The following KHDRBS3 variants were observed in gnomAD, a reference collection of about 807,000 sequenced individuals.
KHDRBS3 encodes the protein KH domain-containing, RNA-binding, signal transduction-associated protein 3.
In KHDRBS3, 23 loss-of-function variants were observed where a neutral mutation model predicts 45.6. That is an observed-to-expected ratio of 0.50 (90% CI 0.36 to 0.72). The LOEUF is 0.72. Among genes scored for constraint, KHDRBS3 ranks in the 30% least tolerant of loss-of-function variants. The probability of loss-of-function intolerance (pLI) is 0.00; values close to 1 mark genes in which losing one functional copy is unlikely to be tolerated. For missense variants in KHDRBS3, 352 were observed against 424.8 expected, an observed-to-expected ratio of 0.83 and a Z score of 1.51; for synonymous variants, 162 against 156.5, an observed-to-expected ratio of 1.04 and a Z score of -0.26.
intron 7 of KHDRBS3, among the ~76,000 whole-genome samples, chr8:135,634,626 C>T (rs180826987): frequency 4.5e-4 from 68 of 152,250 alleles, no homozygotes; most frequent in Admixed American, 1.3e-3. Flanking sequence ...TGAAGCTATT[C>T]CCATGTTAAA....
chr8:135,545,209 T>C (rs902254821), intron 3 of KHDRBS3, among the ~76,000 whole-genome samples: 6 of 152,100 alleles, frequency 3.9e-5, no homozygotes, highest in Admixed American at 6.5e-5. Flanking sequence ...GGGTTTAACA[T>C]AGCTCTCTTA....
intron 2 of KHDRBS3, among the ~76,000 whole-genome samples, chr8:135,528,852 A>C (rs1825325583): frequency 6.6e-6 from 1 of 152,118 alleles, no homozygotes; most frequent in Non-Finnish European, 1.5e-5. Context: ...GCTTGAATCC[A>C]TTCATAGGGG....
chr8:135,485,055 A>T (rs1202334769), intron 1 of KHDRBS3, among the ~76,000 whole-genome samples: 1 of 152,164 alleles, frequency 6.6e-6, no homozygotes, highest in Non-Finnish European at 1.5e-5. Context: ...AATGCTGTGT[A>T]CAGAAAAAAC....
At chr8:135,517,849 A>G (rs1367938461) in intron 1 of KHDRBS3, among the ~76,000 whole-genome samples, 5 of 152,204 alleles carry the variant, frequency 3.3e-5, no homozygotes, top group Non-Finnish European at 5.9e-5. Context: ...ATATTCCAAC[A>G]TCATTCAAAA....
intron 6 of KHDRBS3, 48 bp from the exon 7 acceptor site, chr8:135,606,907 T>C: frequency 6.9e-7 from 1 of 1,455,776 alleles, no homozygotes; most frequent in Non-Finnish European, 9.6e-7. Flanking sequence ...CTTCTTTCTT[T>C]TTAGAAACTT....
chr8:135,493,954 A>G (rs1238863402), intron 1 of KHDRBS3, among the ~76,000 whole-genome samples: 6 of 152,126 alleles, frequency 3.9e-5, no homozygotes, highest in Non-Finnish European at 5.9e-5. Context: ...AGGCCTATTC[A>G]TGCTATCTTT....
intron 1 of KHDRBS3, among the ~76,000 whole-genome samples, chr8:135,517,943 T>C (rs533185208): frequency 5.9e-5 from 9 of 152,244 alleles, no homozygotes; most frequent in Non-Finnish European, 1.0e-4. Flanking sequence ...ATATTTTATA[T>C]AGATTTTCTT....
At chr8:135,566,663 T>G (rs922255145) in intron 5 of KHDRBS3, among the ~76,000 whole-genome samples, 1 of 152,090 alleles carries the variant, frequency 6.6e-6, no homozygotes, top group Admixed American at 6.6e-5. Flanking sequence ...GTGACCAGCA[T>G]GGGCTGTATA....
At chr8:135,594,959 C>G (rs909312248) in intron 6 of KHDRBS3, among the ~76,000 whole-genome samples, 2 of 152,156 alleles carry the variant, frequency 1.3e-5, no homozygotes, top group African/African-American at 4.8e-5. Flanking sequence ...CTAAAAGAAG[C>G]AAAATGTCTA....
chr8:135,578,970 G>C (rs1828075615), intron 5 of KHDRBS3, among the ~76,000 whole-genome samples: 1 of 151,776 alleles, frequency 6.6e-6, no homozygotes, highest in Non-Finnish European at 1.5e-5. Flanking sequence ...AATGTTTTTT[G>C]TTCTTAAAAT....
At chr8:135,478,334 T>C (rs1220333381) in intron 1 of KHDRBS3, among the ~76,000 whole-genome samples, 1 of 152,200 alleles carries the variant, frequency 6.6e-6, no homozygotes, top group Non-Finnish European at 1.5e-5. Flanking sequence ...AACAGGAAAC[T>C]AACACAATGG....
intron 1 of KHDRBS3, among the ~76,000 whole-genome samples, chr8:135,503,273 C>G (rs1162999467): frequency 6.6e-6 from 1 of 152,206 alleles, no homozygotes; most frequent in Non-Finnish European, 1.5e-5. Context: ...GGCACATGCA[C>G]AGTTCTCTTA....
At chr8:135,593,872 G>T (rs1262058696) in intron 6 of KHDRBS3, among the ~76,000 whole-genome samples, 1 of 152,132 alleles carries the variant, frequency 6.6e-6, no homozygotes, top group Non-Finnish European at 1.5e-5. Flanking sequence ...GAACAAACAG[G>T]AAAGTACAAC....
At chr8:135,604,302 G>C (rs554649759) in intron 6 of KHDRBS3, among the ~76,000 whole-genome samples, 4 of 42,020 alleles carry the variant, frequency 9.5e-5, no homozygotes, top group Non-Finnish European at 9.6e-5. Flanking sequence ...CTTTCAACCT[G>C]TTTTTATGTT....
At chr8:135,459,109 G>A (rs927565623) in intron 1 of KHDRBS3, among the ~76,000 whole-genome samples, 8 of 152,170 alleles carry the variant, frequency 5.3e-5, no homozygotes, top group Admixed American at 6.5e-5. Context: ...CGGATCTGCT[G>A]CTCTTAGTGC....
chr8:135,504,726 C>T (rs1446199934), intron 1 of KHDRBS3, among the ~76,000 whole-genome samples: 2 of 152,266 alleles, frequency 1.3e-5, no homozygotes, highest in African/African-American at 4.8e-5. Flanking sequence ...GTTGCATATT[C>T]CCAGATTATA....
At chr8:135,589,320 C>G (rs908204292) in intron 6 of KHDRBS3, among the ~76,000 whole-genome samples, 4 of 152,130 alleles carry the variant, frequency 2.6e-5, no homozygotes, top group Non-Finnish European at 5.9e-5. Context: ...TCCACCTCCC[C>G]CCATAAGGAA....
chr8:135,536,966 CAAAAAAAAAAAAAAAAAA>C (rs869256475), intron 2 of KHDRBS3, among the ~76,000 whole-genome samples: 1 of 11,778 alleles, frequency 8.5e-5, no homozygotes, highest in Non-Finnish European at 1.4e-4. Flanking sequence ...AACTCCATCT[CAAAAAAAAAAAAAAAAAA>C]AAAAAAAAAA....
chr8:135,638,286 C>A (rs1361801368), intron 7 of KHDRBS3, among the ~76,000 whole-genome samples: 1 of 152,156 alleles, frequency 6.6e-6, no homozygotes, highest in Non-Finnish European at 1.5e-5. Context: ...CAATGCGAGG[C>A]CAAACCTCGG....
Sources: allele counts gnomAD v4.1 joint callset (sites outside exome capture counted in the v4.1 genomes callset), GRCh38; gene constraint gnomAD v4.1.1; transcripts MANE v1.5; gene names NCBI Gene and HGNC (gene_info 2026-07-23, HGNC 2026-07-21).